The following INTS11 variants were observed in gnomAD, a reference collection of about 807,000 sequenced individuals.
The protein encoded by INTS11 is CPSF3-like protein.
A neutral mutation model predicts 78.6 loss-of-function variants in INTS11; 77 were observed. The observed-to-expected ratio is 0.98, with a 90% confidence interval of 0.81 to 1.18. INTS11 has a LOEUF of 1.18. Ranked by LOEUF, INTS11 falls within the 50% of genes most tolerant of loss-of-function variation. The probability of loss-of-function intolerance (pLI) is 0.00; values close to 1 mark genes in which losing one functional copy is unlikely to be tolerated. For synonymous variants in INTS11, 441 were observed against 326.9 expected (o/e 1.35, Z -3.77); for missense variants, 875 against 825.9 (o/e 1.06, Z -0.73).
chr1:1,320,150 C>G, intron 3 of INTS11: 1 of 363,424 alleles, frequency 2.8e-6, no homozygotes, highest in Non-Finnish European at 5.2e-6. Context: ...AGACTCGGGA[C>G]TCTGGAATCG....
chr1:1,319,272 C>CA (rs955315077), intron 4 of INTS11, 24 bp downstream of exon 4: 1 of 1,583,928 alleles, frequency 6.3e-7, no homozygotes. Flanking sequence ...GTGACTGTGC[C>CA]AGCTGTGGCC....
intron 3 of INTS11, chr1:1,319,781 C>A: frequency 1.9e-6 from 1 of 515,454 alleles, no homozygotes; most frequent in Non-Finnish European, 3.5e-6. Flanking sequence ...TGCAAAGCTG[C>A]TGAGGGAACC....
chr1:1,313,491 A>ACCTCACCATGC lies in INTS11; in HGVS notation c.1041+7_1041+17dup. ...CGGCCTCCAGCTTCCAGATTCCCAC[A>ACCTCACCATGC]CCTCACCATGCCCTCACCATGTTCT... On this transcript the variant is annotated intron_variant, in intron 10 of 16. Coordinates refer to ENST00000435064, the MANE Select transcript of INTS11 (RefSeq NM_017871.6). 1 of 1,612,648 alleles carries ACCTCACCATGC rather than the reference A, an allele frequency of 6.2e-7. No homozygotes were observed. The highest frequency in any genetic ancestry group is 8.5e-7 in the Non-Finnish European group (1 of 1,179,794).
Position 1,312,691 on chromosome 1 carries a change from CA to C in INTS11, c.1303del (p.Cys435AlafsTer10). ...CGTCTCGCCATTGGCCGGCATGTAG[CA>C]GTTGACCCCTGGACCCCGGGGGAAG... The part of the protein sequence containing the change: ...QKIEQELRVN[C>X]YMPANGETVT... On this transcript the variant is annotated frameshift_variant, in exon 13 of 17. Transcript: ENST00000435064. LOFTEE classifies it high-confidence loss of function. The C allele has an allele frequency of 6.3e-7, 1 of 1,593,814 alleles. No homozygotes were observed. The highest frequency in any genetic ancestry group is 8.6e-7 in the Non-Finnish European group (1 of 1,167,042).
In INTS11 at chr1:1,312,815, G is replaced by T. The variant is rs1045256954; in HGVS notation, c.1266C>A (p.Phe422Leu). The T allele has an allele frequency of 1.9e-6, 3 of 1,610,830 alleles. No homozygotes were observed. The highest frequency in any genetic ancestry group is 2.5e-6 in the Non-Finnish European group (3 of 1,179,286). ...LVHGEAKKME[F>L]LKQKIEQELR... ...GCTCCTGCTCGATCTTCTGCTTCAGGAACTCCATCTTCTTGGCCTCGCCAT... is the reference window on the plus strand; with the variant it reads ...GCTCCTGCTCGATCTTCTGCTTCAGTAACTCCATCTTCTTGGCCTCGCCAT... Residue 422 changes from phenylalanine to leucine, a missense_variant, in exon 12 of 17, where the codon TTC (phenylalanine) becomes TTA (leucine). Phe to Leu is a conservative substitution (Grantham distance 22). Transcript: ENST00000435064.
intron 1 of INTS11, among the ~76,000 whole-genome samples, 185 bp from the exon 2 acceptor site, chr1:1,321,278 C>T (rs1023738155): frequency 2.6e-5 from 4 of 152,216 alleles, no homozygotes; most frequent in African/African-American, 9.7e-5. Context: ...CCATGCCCCA[C>T]ACCATCATGT....
chr1:1,320,851 C>T, intron 2 of INTS11, 145 bp downstream of exon 2: 1 of 832,348 alleles, frequency 1.2e-6, no homozygotes. Context: ...CGGCCAGGCC[C>T]ACCCATCCCT....
chr1:1,314,153 T>C lies in INTS11; in HGVS notation c.767+148A>G. On this transcript the variant is annotated intron_variant, in intron 8 of 16. Coordinates refer to ENST00000435064, the MANE Select transcript of INTS11 (RefSeq NM_017871.6). The surrounding 1 kb of genome is among the most constrained non-coding windows in gnomAD (Gnocchi z 4.2). ...CGCTGACGGGATGTCACAGGCTTCC[T>C]GGGGTCACACAGCACACGAGCGGCC... is the stretch of plus-strand genomic sequence containing the variant. The C allele has an allele frequency of 1.2e-6, 1 of 843,948 alleles. No homozygotes were observed. Among genetic ancestry groups the C allele is most frequent in the South Asian group, 1.5e-5 (1 of 66,374 alleles). 52.3% of individuals were successfully genotyped at this position (843,948 alleles called of 1,614,324 possible).
intron 3 of INTS11, chr1:1,319,794 G>A (rs191073872): frequency 3.5e-4 from 165 of 467,032 alleles, no homozygotes; most frequent in African/African-American, 3.0e-3. Context: ...AGGGAACCGC[G>A]CATAGGGGAG....
At chr1:1,322,963 A>G in intron 1 of INTS11, 1 of 1,358,036 alleles carries the variant, frequency 7.4e-7, no homozygotes, top group Non-Finnish European at 9.5e-7. Context: ...GAAAGATCAG[A>G]AAGATCAGAT....
At position 1,311,797 on chromosome 1, in the gene INTS11, G is replaced by A. The variant is rs1401919857; in HGVS notation, c.*62C>T. On this transcript the variant is annotated 3_prime_UTR_variant, in exon 17 of 17. Coordinates refer to ENST00000435064, the MANE Select transcript of INTS11 (RefSeq NM_017871.6). The stretch of plus-strand genomic sequence containing the variant: ...CCCAGGGCACCCACAGTCCTGAAGT[G>A]CAGGCCCAGGGTCTGTCCAGCTGGG... 4.7e-6 allele frequency: 7 copies of A among 1,489,444 alleles called. No homozygotes were observed. Among genetic ancestry groups the A allele is most frequent in the South Asian group, 2.6e-5 (2 of 76,264 alleles). The allele number at this position is 1,489,444 out of a possible 1,614,324, so 92.3% of individuals were successfully genotyped here.
chr1:1,312,213 G>GGGGCCCCCCCCCCCCCCCCC lies in INTS11; in HGVS notation c.1607+12_1607+13insGGGGGGGGGGGGGGGGGCCC. The GGGGCCCCCCCCCCCCCCCCC allele has an allele frequency of 1.1e-6, 1 of 934,574 alleles. No individual in the cohort carries two copies. Among genetic ancestry groups the GGGGCCCCCCCCCCCCCCCCC allele is most frequent in the Middle Eastern group, 3.4e-4 (1 of 2,948 alleles). 57.9% of individuals were successfully genotyped at this position (934,574 alleles called of 1,614,324 possible). A position where few individuals can be genotyped will look rare whatever the true frequency, so the allele number is the denominator to read the frequency against. ...CCCAAGGGAGTGGGGGGGGGGCGGG[G>GGGGCCCCCCCCCCCCCCCCC]CCGGGCGCCCACCTCTTGAGGTGGC... On this transcript the variant is annotated intron_variant, in intron 15 of 16. Transcript: ENST00000435064.
intron 1 of INTS11, 40 bp downstream of exon 1, chr1:1,324,541 C>T (rs376949723): frequency 2.5e-6 from 4 of 1,575,606 alleles, no homozygotes; most frequent in Non-Finnish European, 3.4e-6. Flanking sequence ...GAGCCGCATA[C>T]GGAGCCCACC....
chr1:1,314,184 G>C lies in INTS11; in HGVS notation c.767+117C>G. The C allele has an allele frequency of 9.7e-7, 1 of 1,029,338 alleles. No homozygotes were observed. Among genetic ancestry groups the C allele is most frequent in the Non-Finnish European group, 1.5e-6 (1 of 673,418 alleles). The allele number at this position is 1,029,338 out of a possible 1,614,324, so 63.8% of individuals were successfully genotyped here. A position where few individuals can be genotyped will look rare whatever the true frequency, so the allele number is the denominator to read the frequency against. ...CACACAGCACACGAGCGGCCCCCCA[G>C]GACAGCAGCAAGCAGGGCCAAGATG... On this transcript the variant is annotated intron_variant, in intron 8 of 16. Transcript: ENST00000435064. The surrounding 1 kb of genome is among the most constrained non-coding windows in gnomAD (Gnocchi z 4.2).
At position 1,312,213 on chromosome 1, in the gene INTS11, G is replaced by GGGGGGGGCCCCCCCCCCCCCCCCC; in HGVS notation, c.1607+12_1607+13insGGGGGGGGGGGGGGGGGCCCCCCC. 6 of 934,544 alleles carry GGGGGGGGCCCCCCCCCCCCCCCCC rather than the reference G, an allele frequency of 6.4e-6. No individual in the cohort carries two copies. The highest frequency in any genetic ancestry group is 7.9e-6 in the Non-Finnish European group (5 of 636,606). The allele number at this position is 934,544 out of a possible 1,614,324, so 57.9% of individuals were successfully genotyped here. A position where few individuals can be genotyped will look rare whatever the true frequency, so the allele number is the denominator to read the frequency against. ...CCCAAGGGAGTGGGGGGGGGGCGGG[G>GGGGGGGGCCCCCCCCCCCCCCCCC]CCGGGCGCCCACCTCTTGAGGTGGC... On this transcript the variant is annotated intron_variant, in intron 15 of 16. Coordinates refer to ENST00000435064, the MANE Select transcript of INTS11 (RefSeq NM_017871.6).
chr1:1,319,661 T>C (rs994885701), intron 3 of INTS11, 137 bp from the exon 4 acceptor site: 8 of 615,128 alleles, frequency 1.3e-5, no homozygotes, highest in African/African-American at 1.1e-4. Context: ...GAGTCAGTAA[T>C]GAGCAAACAC....
chr1:1,319,057 T>G, intron 4 of INTS11: 1 of 716,236 alleles, frequency 1.4e-6, no homozygotes, highest in South Asian at 1.5e-5. Flanking sequence ...GGTGGGTTCA[T>G]AAGCCGGTGC....
rs1219494054 is a variant in INTS11, at chr1:1,315,393, A to G, written c.563+11T>C. 3 of 1,613,218 alleles carry G rather than the reference A, an allele frequency of 1.9e-6. No homozygotes were observed. The highest frequency in any genetic ancestry group is 1.7e-5 in the Admixed American group (1 of 59,984). Reference sequence around the variant, plus strand: ...GGCCCACGGGACAAAAAGACACCTCAGCCTACTTACCCTAAGTGTCGGTCT... The same window carrying G: ...GGCCCACGGGACAAAAAGACACCTCGGCCTACTTACCCTAAGTGTCGGTCT... On this transcript the variant is annotated intron_variant, in intron 6 of 16. Transcript: ENST00000435064.
intron 3 of INTS11, 176 bp from the exon 4 acceptor site, chr1:1,319,700 C>A: frequency 1.7e-6 from 1 of 584,658 alleles, no homozygotes; most frequent in Admixed American, 3.2e-5. Context: ...CTTTCAGTCT[C>A]AAAGTCTAGC....
Sources: gnomAD v4.1 joint callset for allele counts (sites outside exome capture counted in the v4.1 genomes callset) on GRCh38, gnomAD v4.1.1 for gene constraint, Gnocchi (gnomAD v3.1) non-coding constraint, MANE v1.5 for transcripts, NCBI Gene and HGNC (gene_info 2026-07-23, HGNC 2026-07-21) for gene names.